Variants in PCNT observed in about 807,000 individuals in gnomAD.
PCNT encodes the protein pericentrin, also known as kendrin.
A neutral mutation model predicts 380.4 loss-of-function variants in PCNT; 319 were observed. That is an observed-to-expected ratio of 0.84 (90% CI 0.77 to 0.92). The LOEUF (loss-of-function observed/expected upper bound fraction) is 0.92, where lower values mean the gene tolerates loss of function less well. Ranked by LOEUF, PCNT falls within the 40% of genes least tolerant of loss-of-function variation. The pLI is 0.00. For missense variants in PCNT, 4,400 were observed against 4,255.3 expected (o/e 1.03, Z -0.95); for synonymous variants, 1,845 against 1,735.2 (o/e 1.06, Z -1.57).
chr21:46,353,619 C>T (rs1324058671), intron 10 of PCNT, among the ~76,000 whole-genome samples: 1 of 151,306 alleles, frequency 6.6e-6, no homozygotes, highest in African/African-American at 2.4e-5. Flanking sequence ...AGTCAGTGGG[C>T]ACGCTCTTGT....
chr21:46,402,264 T>G (rs1239809150), intron 26 of PCNT, 67 bp from the exon 27 acceptor site: 12 of 1,062,980 alleles, frequency 1.1e-5, no homozygotes, highest in Admixed American at 2.5e-5. Context: ...TAATAATGTC[T>G]TAATTATTAA....
At chr21:46,379,718 C>T (rs545521343) in intron 15 of PCNT, among the ~76,000 whole-genome samples, 58 of 152,224 alleles carry the variant, frequency 3.8e-4, no homozygotes, top group African/African-American at 1.3e-3. Context: ...AGTCTGCTGC[C>T]GAACCCCTCT....
chr21:46,416,499 C>T lies in PCNT; in HGVS notation c.6581C>T (p.Thr2194Ile). ...ECQDMSLSSP[T>I]SVLGGSRHQS... ...CAGGACATGTCTCTTTCTTCACCGA[C>T]CAGCGTACTTGGTGGCTCCCGCCAC... The change falls in exon 30 of 47, where the codon ACC becomes ATC. Residue 2194 changes from threonine (T) to isoleucine (I), a missense_variant. Thr to Ile is a moderately conservative substitution (Grantham distance 89). Transcript: ENST00000359568. The T allele has an allele frequency of 6.2e-7, 1 of 1,613,978 alleles. No homozygotes were observed. Among genetic ancestry groups the T allele is most frequent in the South Asian group, 1.1e-5 (1 of 91,086 alleles).
intron 43 of PCNT, among the ~76,000 whole-genome samples, chr21:46,441,996 A>C (rs1397436893): frequency 6.6e-6 from 1 of 152,162 alleles, no homozygotes; most frequent in Admixed American, 6.5e-5. Context: ...GGGGCCCTGC[A>C]CACTGACCTG....
chr21:46,366,995 TCAC>T lies in PCNT; in HGVS notation c.3024_3026del (p.His1008del). The T allele has an allele frequency of 6.2e-7, 1 of 1,614,180 alleles. No individual in the cohort carries two copies. The highest frequency in any genetic ancestry group is 8.5e-7 in the Non-Finnish European group (1 of 1,180,030). On this transcript the variant is annotated inframe_deletion, in exon 15 of 47. Transcript: ENST00000359568. ...AACAACTGTGGAAAAAGGACTCTCT[TCAC>T]CAAACGATTTTGACTCAAGAGTTGG...
intron 2 of PCNT, among the ~76,000 whole-genome samples, chr21:46,329,204 A>G (rs1461183852): frequency 6.6e-6 from 1 of 152,238 alleles, no homozygotes; most frequent in Non-Finnish European, 1.5e-5. Flanking sequence ...CGTTAACATT[A>G]GAAGGCATGG....
In PCNT at chr21:46,411,325, A is replaced by G; in HGVS notation, c.5252A>G (p.His1751Arg). The change falls in exon 28 of 47, where the codon CAC becomes CGC. Residue 1751 changes from histidine (H) to arginine (R), a missense_variant. Physicochemically the swap from His to Arg is conservative, Grantham distance 29. Coordinates refer to ENST00000359568, the MANE Select transcript of PCNT (RefSeq NM_006031.6). ...CATGAAGTCATTGAGAAGCTGCAGC[A>G]CGAGCTGTCCCTCATGGGGCCTGTG... is the stretch of plus-strand genomic sequence containing the variant. Reference protein sequence around the residue: ...QLHEVIEKLQHELSLMGPVVH... With the variant: ...QLHEVIEKLQRELSLMGPVVH... 6.2e-7 allele frequency: 1 copy of G among 1,614,202 alleles called. No homozygotes were observed. Among genetic ancestry groups the G allele is most frequent in the Admixed American group, 1.7e-5 (1 of 60,030 alleles).
rs754618153 is a variant in PCNT, at chr21:46,428,595, G to A, written c.7690+5G>A. 2 of 1,592,020 alleles carry A rather than the reference G, an allele frequency of 1.3e-6. No homozygotes were observed. Among genetic ancestry groups the A allele is most frequent in the East Asian group, 2.2e-5 (1 of 44,448 alleles). ...AGCACCAGCTGCGCAGGCAGGGTGG[G>A]TGTCACTGTCTACACTGCCTGGGGC... On this transcript the variant is annotated splice_donor_5th_base_variant and intron_variant, in intron 35 of 46. Transcript: ENST00000359568.
intron 16 of PCNT, among the ~76,000 whole-genome samples, chr21:46,383,347 G>GTA (rs2085661502): frequency 7.3e-6 from 1 of 137,690 alleles, no homozygotes; most frequent in Admixed American, 7.5e-5. Context: ...TTCACGGTGT[G>GTA]CATTCAGTGG....
rs769263336 is a variant in PCNT at position 46,346,215 on chromosome 21, C to T, written c.720+7C>T. 1.0e-5 allele frequency: 15 copies of T among 1,459,668 alleles called. No homozygotes were observed. The highest frequency in any genetic ancestry group is 4.3e-5 in the African/African-American group (3 of 69,126). The allele number at this position is 1,459,668 out of a possible 1,614,324, so 90.4% of individuals were successfully genotyped here. A position where few individuals can be genotyped will look rare whatever the true frequency, so the allele number is the denominator to read the frequency against. ...TGGCCTGCATCAGAGTCAGGTGACCCGGCGGGGCCTGCACAGGCTCACAGC... is the reference window on the plus strand; with the variant it reads ...TGGCCTGCATCAGAGTCAGGTGACCTGGCGGGGCCTGCACAGGCTCACAGC... On this transcript the variant is annotated splice_region_variant and intron_variant, in intron 4 of 46. Coordinates refer to ENST00000359568, the MANE Select transcript of PCNT (RefSeq NM_006031.6).
At chr21:46,324,639 T>C (rs931654288) in intron 1 of PCNT, among the ~76,000 whole-genome samples, 4 of 150,314 alleles carry the variant, frequency 2.7e-5, no homozygotes, top group Non-Finnish European at 5.9e-5. Context: ...TACAGGGGCG[T>C]GGCGTGGCTG....
chr21:46,402,481 A>C lies in PCNT; in HGVS notation c.5113A>C (p.Lys1705Gln), dbSNP rs1258919521. Residue 1705 changes from lysine to glutamine, a missense_variant and splice_region_variant, in exon 27 of 47, where the codon AAG becomes CAG. Lys to Gln is a moderately conservative substitution (Grantham distance 53). Coordinates refer to ENST00000359568, the MANE Select transcript of PCNT (RefSeq NM_006031.6). ...ACTTGAGGAAGAGAACACGAGCTTG[A>C]AGGTAAGCTACCAAAGGTCCACGTG... ...RELEEENTSL[K>Q]VIYTRSSEIE... 4.3e-6 allele frequency: 7 copies of C among 1,613,904 alleles called. No homozygotes were observed. Among genetic ancestry groups the C allele is most frequent in the Non-Finnish European group, 5.9e-6 (7 of 1,179,936 alleles).
chr21:46,423,803 AGGG>A (rs1167967190), intron 32 of PCNT, among the ~76,000 whole-genome samples: 4 of 18,608 alleles, frequency 2.1e-4, no homozygotes, highest in South Asian at 2.6e-3. Context: ...GAGGAAGAGA[AGGG>A]GGAGTGGGAG....
At chr21:46,383,028 C>G (rs115684112) in intron 16 of PCNT, among the ~76,000 whole-genome samples, 9,506 of 112,306 alleles carry the variant, frequency 0.085, 2,434 homozygotes, top group African/African-American at 0.33. Context: ...TGGCGGAAGC[C>G]CATTCACAGT....
At chr21:46,372,021 C>T (rs1483365097) in intron 15 of PCNT, among the ~76,000 whole-genome samples, 2 of 149,322 alleles carry the variant, frequency 1.3e-5, no homozygotes, top group African/African-American at 4.9e-5. Flanking sequence ...TGCACACACA[C>T]AGCACATACA....
chr21:46,398,723 G>A (rs145534291), intron 24 of PCNT, among the ~76,000 whole-genome samples: 5 of 152,318 alleles, frequency 3.3e-5, no homozygotes, highest in East Asian at 1.9e-4. Context: ...ACCATTCACC[G>A]AGCCTGACTC....
chr21:46,425,987 C>T lies in PCNT; in HGVS notation c.7320+16C>T, dbSNP rs1167427484. 1.2e-5 allele frequency: 19 copies of T among 1,609,194 alleles called. No homozygotes were observed. Among genetic ancestry groups the T allele is most frequent in the Non-Finnish European group, 1.6e-5 (19 of 1,177,110 alleles). ...AAAGACGCAGGTTTATTTTGCCCTT[C>T]ACACACTTCTTTTCCAAAGGATTTA... On this transcript the variant is annotated intron_variant, in intron 33 of 46. Coordinates refer to ENST00000359568, the MANE Select transcript of PCNT (RefSeq NM_006031.6). This position sits in a 1 kb window ranked among gnomAD's most constrained non-coding sequence, Gnocchi z 4.2.
chr21:46,380,700 A>G (rs1056982526), intron 15 of PCNT, among the ~76,000 whole-genome samples: 82 of 152,154 alleles, frequency 5.4e-4, no homozygotes, highest in African/African-American at 2.0e-3. Flanking sequence ...TGTGTTTTCC[A>G]TAAACACTCT....
At chr21:46,402,192 G>A (rs1373677546) in intron 26 of PCNT, 139 bp from the exon 27 acceptor site, 12 of 599,194 alleles carry the variant, frequency 2.0e-5, no homozygotes, top group African/African-American at 3.7e-5. Flanking sequence ...ATTTGTGTGC[G>A]GGTACAGGTA....
Sources: allele counts gnomAD v4.1 joint callset (sites outside exome capture counted in the v4.1 genomes callset), GRCh38; gene constraint gnomAD v4.1.1; non-coding constraint Gnocchi (gnomAD v3.1); transcripts MANE v1.5; gene names NCBI Gene and HGNC (gene_info 2026-07-23, HGNC 2026-07-21).